The following CIPC variants were observed in gnomAD, a reference collection of about 807,000 sequenced individuals.
The protein encoded by CIPC is CLOCK interacting pacemaker.
In CIPC, 12 loss-of-function variants were observed where a neutral mutation model predicts 26.7. The observed-to-expected ratio is 0.45, with a 90% confidence interval of 0.29 to 0.73. The LOEUF (loss-of-function observed/expected upper bound fraction) is 0.73, where lower values mean the gene tolerates loss of function less well. CIPC is among the 30% of genes least tolerant of loss of function. The pLI is 0.12. For synonymous variants in CIPC, 170 were observed against 189.8 expected (o/e 0.90, Z 0.86); for missense variants, 417 against 486.5 (o/e 0.86, Z 1.34).
intron 1 of CIPC, among the ~76,000 whole-genome samples, chr14:77,100,240 C>CTT (rs57785837): frequency 0.022 from 2,917 of 130,382 alleles, 144 homozygotes; most frequent in African/African-American, 0.07. Flanking sequence ...TTCTTTCTTT[C>CTT]TTTTTTTTTT....
chr14:77,100,711 G>GA (rs921083258), intron 1 of CIPC, among the ~76,000 whole-genome samples: 3 of 151,410 alleles, frequency 2.0e-5, no homozygotes, highest in Non-Finnish European at 2.9e-5. Context: ...TAGGATTACA[G>GA]ATGTGTGCCA....
chr14:77,114,381 C>G lies in CIPC; in HGVS notation c.*63C>G. 1 of 1,473,682 alleles carries G rather than the reference C, an allele frequency of 6.8e-7. No homozygotes were observed. Among genetic ancestry groups the G allele is most frequent in the Non-Finnish European group, 9.1e-7 (1 of 1,093,816 alleles). The allele number at this position is 1,473,682 out of a possible 1,614,324, so 91.3% of individuals were successfully genotyped here. A position where few individuals can be genotyped will look rare whatever the true frequency, so the allele number is the denominator to read the frequency against. ...TTAGCTCATTTGCTGTTACCTACTC[C>G]TGTTTCCCAAAGCTTATGTAAGAGC... is the stretch of plus-strand genomic sequence containing the variant. On this transcript the variant is annotated 3_prime_UTR_variant, in exon 4 of 4. Transcript: ENST00000361786.
At chr14:77,107,576 C>A (rs1332076566) in intron 2 of CIPC, among the ~76,000 whole-genome samples, 1 of 151,954 alleles carries the variant, frequency 6.6e-6, no homozygotes, top group African/African-American at 2.4e-5. Flanking sequence ...CAAATGAATA[C>A]CCCATATGTC....
In CIPC at chr14:77,114,637, C is replaced by T. The variant is rs188364818; in HGVS notation, c.*319C>T. The T allele has an allele frequency of 3.3e-3, 900 of 276,640 alleles. 4 individuals carry two copies. The highest frequency in any genetic ancestry group is 5.0e-3 in the Middle Eastern group (4 of 806). The allele number at this position is 276,640 out of a possible 1,614,324, so 17.1% of individuals were successfully genotyped here. A position where few individuals can be genotyped will look rare whatever the true frequency, so the allele number is the denominator to read the frequency against. On this transcript the variant is annotated 3_prime_UTR_variant, in exon 4 of 4. Transcript: ENST00000361786. ...TGGGGCTCTTCCTGCTGTCACCTCCCATCATCCCACTCTCTCACCAGGATC... is the reference window on the plus strand; with the variant it reads ...TGGGGCTCTTCCTGCTGTCACCTCCTATCATCCCACTCTCTCACCAGGATC...
rs554896369 is a variant in CIPC at position 77,104,457 on chromosome 14, C to T, written c.-52-1200C>T. 2.0e-5 allele frequency among the ~76,000 whole-genome samples: 3 copies of T among 152,286 alleles called. No individual in the cohort carries two copies. The East Asian group carries it at 5.8e-4, about 29-fold the overall frequency. ...TGGTTAAAATTCTTCCATGGCTTCC[C>T]ATTGCGTTTAAGTTAATATCTAAAA... is the stretch of plus-strand genomic sequence containing the variant. On this transcript the variant is annotated intron_variant, in intron 1 of 3. Coordinates refer to ENST00000361786, the MANE Select transcript of CIPC (RefSeq NM_033426.3).
rs757640147 is a variant in CIPC, at chr14:77,114,140, G to C, written c.1022G>C (p.Arg341Pro). ...EITLKTKELI[R>P]QNQATQVELD... is the part of the protein sequence containing the mutation. ...ACTTTGAAAACCAAGGAGTTGATTCGTCAGAATCAGGCAACTCAGGTAGAA... is the reference window on the plus strand; with the variant it reads ...ACTTTGAAAACCAAGGAGTTGATTCCTCAGAATCAGGCAACTCAGGTAGAA... The change falls in exon 4 of 4, where the codon CGT becomes CCT. Residue 341 changes from arginine (R) to proline (P), a missense_variant. Transcript: ENST00000361786. The C allele has an allele frequency of 6.2e-7, 1 of 1,613,938 alleles. No homozygotes were observed. The highest frequency in any genetic ancestry group is 8.5e-7 in the Non-Finnish European group (1 of 1,180,032).
intron 2 of CIPC, 77 bp downstream of exon 2, chr14:77,105,921 A>G (rs1254916901): frequency 6.4e-7 from 1 of 1,550,706 alleles, no homozygotes; most frequent in Non-Finnish European, 8.8e-7. Flanking sequence ...AAACTCATTT[A>G]TGTGATAAGG....
chr14:77,101,786 A>G (rs1032212031), intron 1 of CIPC, among the ~76,000 whole-genome samples: 5 of 152,124 alleles, frequency 3.3e-5, no homozygotes, highest in Non-Finnish European at 7.4e-5. Context: ...ATATGATTGG[A>G]CAAAAAGGGT....
chr14:77,101,420 C>A (rs1306690874), intron 1 of CIPC, among the ~76,000 whole-genome samples: 1 of 152,186 alleles, frequency 6.6e-6, no homozygotes, highest in Non-Finnish European at 1.5e-5. Context: ...GAGAACTTTA[C>A]TGAAGATAGA....
chr14:77,115,118 T>A lies in CIPC; in HGVS notation c.*800T>A, dbSNP rs1886785638. 1 of 152,360 alleles carries A rather than the reference T, an allele frequency of 6.6e-6. No individual in the cohort carries two copies. Among genetic ancestry groups the A allele is most frequent in the South Asian group, 2.1e-4 (1 of 4,822 alleles). The allele number at this position is 152,360 out of a possible 1,614,324, so 9.4% of individuals were successfully genotyped here. A position where few individuals can be genotyped will look rare whatever the true frequency, so the allele number is the denominator to read the frequency against. On this transcript the variant is annotated 3_prime_UTR_variant, in exon 4 of 4. Transcript: ENST00000361786. ...CTCATGGTCAGGAGCTGGACGATTC[T>A]GGTAACTTAGGCTTTTTTTCTCTCT...
At chr14:77,108,281 G>T (rs1396628122) in intron 2 of CIPC, among the ~76,000 whole-genome samples, 2 of 152,160 alleles carry the variant, frequency 1.3e-5, no homozygotes, top group African/African-American at 4.8e-5. Context: ...TAATTAATAA[G>T]TAATTTATGG....
chr14:77,105,750 C>T lies in CIPC; in HGVS notation c.42C>T (p.Leu14=). Residue 14 remains leucine (L), a synonymous_variant, in exon 2 of 4, where the codon CTC becomes CTT. Transcript: ENST00000361786. ...CATCCAGAGAGAGCCCCAGAAGACT[C>T]TCTGCCAAAGTAGGCAAAGGCACAG... The part of the protein sequence containing the change: ...KNPSRESPRR[L]SAKVGKGTEM... The T allele has an allele frequency of 1.2e-6, 2 of 1,614,166 alleles. No individual in the cohort carries two copies. The highest frequency in any genetic ancestry group is 1.7e-6 in the Non-Finnish European group (2 of 1,180,004).
chr14:77,103,144 G>A (rs1255321633), intron 1 of CIPC, among the ~76,000 whole-genome samples: 2 of 152,146 alleles, frequency 1.3e-5, no homozygotes, highest in Non-Finnish European at 2.9e-5. Context: ...TTAGATACGG[G>A]GCAAAATGAT....
chr14:77,103,425 A>C (rs968984446), intron 1 of CIPC, among the ~76,000 whole-genome samples: 4 of 152,232 alleles, frequency 2.6e-5, no homozygotes, highest in African/African-American at 9.6e-5. Flanking sequence ...CTCAAAGAAC[A>C]ACAGGATAGA....
Position 77,114,260 on chromosome 14 carries a change from C to T in CIPC, c.1142C>T (p.Pro381Leu). The change falls in exon 4 of 4, where the codon CCT (proline) becomes CTT (leucine). Residue 381 changes from proline (P) to leucine (L), a missense_variant. Coordinates refer to ENST00000361786, the MANE Select transcript of CIPC (RefSeq NM_033426.3). The stretch of plus-strand genomic sequence containing the variant: ...GCCAAGCTGCAGGCATCTTTAACAC[C>T]TGGGTCCAGTAATACAGGCAGTGAC... ...AWAKLQASLT[P>L]GSSNTGSDLE... 6.2e-7 allele frequency: 1 copy of T among 1,614,052 alleles called. No homozygotes were observed. Among genetic ancestry groups the T allele is most frequent in the Non-Finnish European group, 8.5e-7 (1 of 1,180,006 alleles).
At chr14:77,103,834 C>A (rs1425383273) in intron 1 of CIPC, among the ~76,000 whole-genome samples, 1 of 152,106 alleles carries the variant, frequency 6.6e-6, no homozygotes, top group East Asian at 1.9e-4. Flanking sequence ...ATCTACATGA[C>A]CATGCCACCC....
At chr14:77,099,697 A>G (rs562105017) in intron 1 of CIPC, among the ~76,000 whole-genome samples, 1 of 152,296 alleles carries the variant, frequency 6.6e-6, no homozygotes, top group East Asian at 1.9e-4. Flanking sequence ...AAGTGTCTAT[A>G]AAAGGAGAGA....
At chr14:77,104,599 CTTTG>C (rs144743399) in intron 1 of CIPC, among the ~76,000 whole-genome samples, 3,605 of 152,258 alleles carry the variant, frequency 0.024, 145 homozygotes, top group African/African-American at 0.082. Flanking sequence ...CCTTTCAGTT[CTTTG>C]TTTGTGCCAA....
chr14:77,107,627 TACACACACACACAC>T (rs35968918), intron 2 of CIPC, among the ~76,000 whole-genome samples: 8 of 150,358 alleles, frequency 5.3e-5, no homozygotes, highest in Non-Finnish European at 1.2e-4. Context: ...TCGCTCTCTT[TACACACACACACAC>T]ACACACACAC....
Sources: allele counts gnomAD v4.1 joint callset (sites outside exome capture counted in the v4.1 genomes callset), GRCh38; gene constraint gnomAD v4.1.1; transcripts MANE v1.5; gene names NCBI Gene and HGNC (gene_info 2026-07-23, HGNC 2026-07-21).